Variants in TMEM273 observed in about 807,000 individuals in gnomAD.
TMEM273 encodes the protein chromosome 10 open reading frame 128.
TMEM273 carries 19 observed loss-of-function variants against 17.9 expected under a neutral mutation model. That is an observed-to-expected ratio of 1.06 (90% CI 0.74 to 1.55). The LOEUF is 1.55. Ranked by LOEUF, TMEM273 falls within the 40% of genes most tolerant of loss-of-function variation. The pLI, the probability that TMEM273 is intolerant of heterozygous loss-of-function variation, is 0.00. For missense variants in TMEM273, 194 were observed against 155.6 expected, an observed-to-expected ratio of 1.25 and a Z score of -1.31; for synonymous variants, 66 against 62.0, an observed-to-expected ratio of 1.07 and a Z score of -0.31.
chr10:49,180,528 TGAG>T (rs1847280412), intron 1 of TMEM273, among the ~76,000 whole-genome samples: 2 of 152,166 alleles, frequency 1.3e-5, no homozygotes, highest in South Asian at 4.1e-4. Context: ...GAATGATATC[TGAG>T]GAGGCCTGTT....
At chr10:49,166,732 C>A (rs754286292) in intron 3 of TMEM273, 137 bp downstream of exon 3, 4 of 1,287,870 alleles carry the variant, frequency 3.1e-6, no homozygotes, top group East Asian at 4.7e-5. Flanking sequence ...CAGAAACATG[C>A]AGAGGTCACT....
intron 6 of TMEM273, among the ~76,000 whole-genome samples, chr10:49,158,256 T>A (rs933947717): frequency 6.6e-6 from 1 of 152,050 alleles, no homozygotes; most frequent in African/African-American, 2.4e-5. Context: ...TTTAACTTAA[T>A]ATGTAAATAT....
intron 1 of TMEM273, among the ~76,000 whole-genome samples, chr10:49,180,051 A>G (rs1252416252): frequency 6.6e-6 from 1 of 152,228 alleles, no homozygotes; most frequent in Non-Finnish European, 1.5e-5. Context: ...TTCATGCCCA[A>G]TGAATGAAAA....
At chr10:49,187,222 C>T (rs947235897) in intron 1 of TMEM273, among the ~76,000 whole-genome samples, 2 of 152,194 alleles carry the variant, frequency 1.3e-5, no homozygotes, top group African/African-American at 4.8e-5. Context: ...TGCCTGACAT[C>T]CCTTCACAGT....
At chr10:49,163,173 C>T (rs1247461412) in intron 5 of TMEM273, among the ~76,000 whole-genome samples, 1 of 152,176 alleles carries the variant, frequency 6.6e-6, no homozygotes, top group African/African-American at 2.4e-5. Flanking sequence ...CAGCATGGAA[C>T]TCTACTCTCC....
chr10:49,184,366 G>T lies in TMEM273; in HGVS notation c.43+3928C>A, dbSNP rs76082018. On this transcript the variant is annotated intron_variant, in intron 1 of 6. Transcript: ENST00000374153. Reference sequence around the variant, plus strand: ...AACAAAGGAAGCCACAAAGATAAAAGATAAGCAACATACTGAGAGAAGATA... The same window carrying T: ...AACAAAGGAAGCCACAAAGATAAAATATAAGCAACATACTGAGAGAAGATA... Among the ~76,000 whole-genome samples the T allele has an allele frequency of 6.6e-5, 10 of 152,252 alleles. No homozygotes were observed. The East Asian group carries it at 1.9e-3, about 29-fold the overall frequency.
chr10:49,159,143 GA>G (rs1845690634), intron 6 of TMEM273, among the ~76,000 whole-genome samples: 2 of 151,832 alleles, frequency 1.3e-5, no homozygotes, highest in African/African-American at 2.4e-5. Flanking sequence ...TCGTGTACAT[GA>G]CACACGATTC....
intron 1 of TMEM273, chr10:49,178,187 C>G (rs1228590848): frequency 4.4e-6 from 2 of 457,378 alleles, no homozygotes; most frequent in Middle Eastern, 3.2e-4. Flanking sequence ...GCCCATGTCA[C>G]CTCTCATTCT....
intron 1 of TMEM273, among the ~76,000 whole-genome samples, chr10:49,176,242 C>T (rs1212768674): frequency 6.6e-6 from 1 of 152,166 alleles, no homozygotes; most frequent in Non-Finnish European, 1.5e-5. Context: ...TCCTAGGGGC[C>T]ATGAGTGAAA....
chr10:49,155,776 A>G lies in TMEM273; in HGVS notation c.*116T>C, dbSNP rs1335574108. 5.5e-6 allele frequency: 8 copies of G among 1,446,130 alleles called. No homozygotes were observed. The highest frequency in any genetic ancestry group is 1.7e-5 in the Admixed American group (1 of 57,306). 89.6% of individuals were successfully genotyped at this position (1,446,130 alleles called of 1,614,324 possible). A position where few individuals can be genotyped will look rare whatever the true frequency, so the allele number is the denominator to read the frequency against. On this transcript the variant is annotated 3_prime_UTR_variant, in exon 7 of 7. Coordinates refer to ENST00000374153, the MANE Select transcript of TMEM273 (RefSeq NM_001288740.3). ...ATTATTTGCCTCCAATATTCAGTCC[A>G]TGTGAAAGTTCATTACCAGCCTTGG...
chr10:49,171,388 T>C (rs1163589051), intron 1 of TMEM273, among the ~76,000 whole-genome samples: 1 of 152,240 alleles, frequency 6.6e-6, no homozygotes, highest in Non-Finnish European at 1.5e-5. Flanking sequence ...TCCAGAGGAC[T>C]TGCTGAGATG....
chr10:49,167,864 C>T (rs367927493), intron 2 of TMEM273, 45 bp downstream of exon 2: 18 of 1,610,204 alleles, frequency 1.1e-5, no homozygotes, highest in Non-Finnish European at 1.5e-5. Context: ...GAGCTTCCTT[C>T]CTGCCCCTGA....
At chr10:49,162,408 G>C (rs1845904698) in intron 5 of TMEM273, among the ~76,000 whole-genome samples, 1 of 152,150 alleles carries the variant, frequency 6.6e-6, no homozygotes, top group African/African-American at 2.4e-5. Context: ...ATCGAGCTTT[G>C]TGAAATTTCA....
chr10:49,156,234 T>C, intron 6 of TMEM273: 2 of 1,377,086 alleles, frequency 1.5e-6, no homozygotes, highest in African/African-American at 2.9e-5. Flanking sequence ...CTGTAGTTGG[T>C]GAATTTGCAC....
chr10:49,181,577 T>A (rs1233282190), intron 1 of TMEM273, among the ~76,000 whole-genome samples: 1 of 152,174 alleles, frequency 6.6e-6, no homozygotes, highest in African/African-American at 2.4e-5. Flanking sequence ...AACTGATTTT[T>A]GACAAAGGGG....
intron 1 of TMEM273, among the ~76,000 whole-genome samples, chr10:49,186,327 C>T (rs1362614200): frequency 6.6e-6 from 1 of 152,112 alleles, no homozygotes; most frequent in Non-Finnish European, 1.5e-5. Flanking sequence ...TTTCTGGTTC[C>T]CACCGTGGTT....
chr10:49,183,102 G>A (rs529476455), intron 1 of TMEM273, among the ~76,000 whole-genome samples: 13 of 152,236 alleles, frequency 8.5e-5, no homozygotes, highest in South Asian at 4.2e-4. Context: ...GGTCACCCCC[G>A]CCATACCTGT....
intron 1 of TMEM273, among the ~76,000 whole-genome samples, chr10:49,183,259 A>G (rs950121951): frequency 4.6e-5 from 7 of 152,176 alleles, no homozygotes; most frequent in African/African-American, 1.7e-4. Flanking sequence ...GTACTGTGGT[A>G]TATATATTCT....
intron 1 of TMEM273, among the ~76,000 whole-genome samples, chr10:49,184,704 A>G (rs1847558412): frequency 6.6e-6 from 1 of 152,192 alleles, no homozygotes; most frequent in African/African-American, 2.4e-5. Context: ...CAATTTGGCA[A>G]TATCCAACAA....
Sources: gnomAD v4.1 joint callset for allele counts (sites outside exome capture counted in the v4.1 genomes callset) on GRCh38, gnomAD v4.1.1 for gene constraint, MANE v1.5 for transcripts, NCBI Gene and HGNC (gene_info 2026-07-23, HGNC 2026-07-21) for gene names.